The following TRIM37 variants were observed in gnomAD, a reference collection of about 807,000 sequenced individuals.
TRIM37 encodes the protein tripartite motif containing 37, also known as E3 ubiquitin-protein ligase TRIM37.
Under a neutral mutation model 129.8 loss-of-function variants are expected in TRIM37, and 80 were observed. That is an observed-to-expected ratio of 0.62 (90% CI 0.51 to 0.74). The LOEUF (loss-of-function observed/expected upper bound fraction) is 0.74. TRIM37 is among the 30% of genes least tolerant of loss of function. The pLI, the probability that TRIM37 is intolerant of heterozygous loss-of-function variation, is 0.00. For missense variants in TRIM37, 1,054 were observed against 1,176.5 expected, an observed-to-expected ratio of 0.90 and a Z score of 1.52; for synonymous variants, 389 against 387.1, an observed-to-expected ratio of 1.00 and a Z score of -0.06.
At chr17:59,020,032 ACCAGCCTGG>A (rs2036399290) in intron 19 of TRIM37, among the ~76,000 whole-genome samples, 1 of 151,900 alleles carries the variant, frequency 6.6e-6, no homozygotes, top group Non-Finnish European at 1.5e-5. Context: ...GGAGTTCGAG[ACCAGCCTGG>A]CCAGCATGGT....
chr17:59,061,125 CAGTTTGAGTGTAAAAAAATTA>C lies in TRIM37; in HGVS notation c.943-38_943-18del, dbSNP rs752375432. 3 of 1,608,444 alleles carry C rather than the reference CAGTTTGAGTGTAAAAAAATTA, an allele frequency of 1.9e-6. No individual in the cohort carries two copies. In the African/African-American group the frequency reaches 4.0e-5, roughly 22 times the overall value. ...ATTTCCATCCTAAAAGAAGAATAAT[CAGTTTGAGTGTAAAAAAATTA>C]AGCCACAATAAAACAAAATGCAGAT... On this transcript the variant is annotated intron_variant, in intron 11 of 23. Transcript: ENST00000262294.
chr17:59,067,157 C>T (rs28461637), intron 9 of TRIM37, among the ~76,000 whole-genome samples: 93 of 152,302 alleles, frequency 6.1e-4, no homozygotes, highest in African/African-American at 2.2e-3. Context: ...GCTATTGCTA[C>T]TGCTAGGCCA....
At chr17:59,071,680 C>T (rs757572149) in intron 8 of TRIM37, among the ~76,000 whole-genome samples, 8 of 152,084 alleles carry the variant, frequency 5.3e-5, no homozygotes, top group East Asian at 3.9e-4. Context: ...CACACACACA[C>T]GCACTATCTG....
chr17:59,029,273 ATTTT>A, intron 18 of TRIM37, among the ~76,000 whole-genome samples: 1 of 152,194 alleles, frequency 6.6e-6, no homozygotes, highest in Middle Eastern at 3.4e-3. Context: ...ACAAAAAAAA[ATTTT>A]TTTATTAGAA....
At chr17:59,102,468 G>C (rs185379020) in intron 2 of TRIM37, among the ~76,000 whole-genome samples, 25 of 152,158 alleles carry the variant, frequency 1.6e-4, no homozygotes, top group African/African-American at 5.8e-4. Flanking sequence ...TTAAAACATG[G>C]GTAAGTGTTA....
intron 2 of TRIM37, among the ~76,000 whole-genome samples, chr17:59,093,280 C>A (rs1357120280): frequency 3.3e-5 from 5 of 152,202 alleles, no homozygotes; most frequent in African/African-American, 1.2e-4. Context: ...TCCCCTGAAA[C>A]AATGGCATGA....
At position 59,015,514 on chromosome 17, in the gene TRIM37, G is replaced by A. The variant is rs528710957; in HGVS notation, c.2576+96C>T. 4 of 1,248,870 alleles carry A rather than the reference G, an allele frequency of 3.2e-6. No homozygotes were observed. The East Asian group carries it at 7.0e-5, about 22-fold the overall frequency. The allele number at this position is 1,248,870 out of a possible 1,614,324, so 77.4% of individuals were successfully genotyped here. ...TTTCTGTCCACTAAAAAATTAACAA[G>A]GTAGAAATTAATTTGTTCATCATGA... On this transcript the variant is annotated intron_variant, in intron 21 of 23. Transcript: ENST00000262294.
chr17:59,065,630 G>A (rs554878969), intron 9 of TRIM37, among the ~76,000 whole-genome samples: 1 of 152,194 alleles, frequency 6.6e-6, no homozygotes, highest in East Asian at 1.9e-4. Flanking sequence ...ACTATCATAC[G>A]ATGTTTTAAT....
Position 59,106,676 on chromosome 17 carries a change from G to A in TRIM37, c.-215C>T. ...TTTTTACCGGCGCGCCCGCCCCGAG[G>A]CGCAGAAGTAGGGCGAACGGTGGCC... On this transcript the variant is annotated 5_prime_UTR_variant, in exon 1 of 24. Transcript: ENST00000262294. 3.2e-6 allele frequency: 2 copies of A among 624,510 alleles called. No homozygotes were observed. The highest frequency in any genetic ancestry group is 2.8e-6 in the Non-Finnish European group (1 of 352,374). 38.7% of individuals were successfully genotyped at this position (624,510 alleles called of 1,614,324 possible).
downstream of TRIM37, chr17:58,981,010 T>C (rs2031327420): frequency 1.9e-6 from 3 of 1,602,468 alleles, no homozygotes; most frequent in Non-Finnish European, 2.5e-6. Context: ...CAGATCTTCC[T>C]TGGAGCTATA....
intron 2 of TRIM37, among the ~76,000 whole-genome samples, chr17:59,097,016 C>G (rs1172387508): frequency 2.0e-5 from 3 of 152,100 alleles, no homozygotes; most frequent in African/African-American, 7.2e-5. Context: ...ATGGAAAACC[C>G]CCACTATGAT....
the TRIM37 span, chr17:58,969,689 G>A: frequency 6.2e-7 from 1 of 1,614,174 alleles, no homozygotes; most frequent in Non-Finnish European, 8.5e-7. Context: ...GGCCTTCCGG[G>A]TCACTGATGA....
At chr17:58,972,178 A>G in the TRIM37 span, 2 of 1,613,998 alleles carry the variant, frequency 1.2e-6, no homozygotes, top group African/African-American at 2.7e-5. Flanking sequence ...ATCAGAGGCA[A>G]CATGCTACAT....
At chr17:59,011,272 A>G (rs994415532) in intron 22 of TRIM37, among the ~76,000 whole-genome samples, 4 of 152,192 alleles carry the variant, frequency 2.6e-5, no homozygotes, top group Non-Finnish European at 5.9e-5. Context: ...AACAATAAAC[A>G]CATCATTTAC....
intron 21 of TRIM37, among the ~76,000 whole-genome samples, chr17:59,012,816 C>T (rs572600715): frequency 8.6e-5 from 13 of 151,152 alleles, no homozygotes; most frequent in Non-Finnish European, 1.9e-4. Flanking sequence ...GTGGAGGTTG[C>T]AGTGAGCCGA....
chr17:59,027,261 C>T (rs2037347832), intron 19 of TRIM37, among the ~76,000 whole-genome samples: 1 of 152,150 alleles, frequency 6.6e-6, no homozygotes, highest in South Asian at 2.1e-4. Context: ...CCATAACCTG[C>T]TTCTTATCTG....
intron 17 of TRIM37, among the ~76,000 whole-genome samples, chr17:59,037,694 C>T (rs577186031): frequency 6.6e-6 from 1 of 150,648 alleles, no homozygotes; most frequent in East Asian, 2.0e-4. Context: ...AATGTTAATA[C>T]CTTTCATTAC....
intron 12 of TRIM37, among the ~76,000 whole-genome samples, chr17:59,058,224 G>A (rs540388725): frequency 1.3e-5 from 2 of 152,278 alleles, no homozygotes; most frequent in South Asian, 4.1e-4. Flanking sequence ...TATGTTTTTT[G>A]TGCAACATGG....
Position 59,064,421 on chromosome 17 carries a change from CAAAA to C in TRIM37, c.810-20_810-17del. ...CACTAATTCACTAAAAAAAAAAAGG[CAAAA>C]AAAATTATTTAGCTTACATGTTTAA... On this transcript the variant is annotated splice_polypyrimidine_tract_variant and intron_variant, in intron 9 of 23. Coordinates refer to ENST00000262294, the MANE Select transcript of TRIM37 (RefSeq NM_015294.6). 1 of 1,518,108 alleles carries C rather than the reference CAAAA, an allele frequency of 6.6e-7. No homozygotes were observed. Among genetic ancestry groups the C allele is most frequent in the South Asian group, 1.2e-5 (1 of 82,642 alleles). 94.0% of individuals were successfully genotyped at this position (1,518,108 alleles called of 1,614,324 possible).
Sources: allele counts gnomAD v4.1 joint callset (sites outside exome capture counted in the v4.1 genomes callset), GRCh38; gene constraint gnomAD v4.1.1; transcripts MANE v1.5; gene names NCBI Gene and HGNC (gene_info 2026-07-23, HGNC 2026-07-21).